Variants in STAT4 observed in about 807,000 individuals in gnomAD.
STAT4 encodes the protein signal transducer and activator of transcription 4.
In STAT4, 42 loss-of-function variants were observed where a neutral mutation model predicts 110.5. The ratio of observed to expected loss-of-function variants is 0.38; its 90% CI spans 0.30 to 0.49. The LOEUF is 0.49. Among genes scored for constraint, STAT4 ranks in the 20% least tolerant of loss-of-function variants. The pLI is 0.95. For synonymous variants in STAT4, 284 were observed against 302.2 expected, an observed-to-expected ratio of 0.94 and a Z score of 0.63; for missense variants, 632 against 887.9, an observed-to-expected ratio of 0.71 and a Z score of 3.66.
At chr2:191,076,508 C>T (rs1697322714) in intron 3 of STAT4, among the ~76,000 whole-genome samples, 183 bp from the exon 4 acceptor site, 1 of 152,068 alleles carries the variant, frequency 6.6e-6, no homozygotes, top group African/African-American at 2.4e-5. Context: ...AACGTAGACC[C>T]CTAAAGAGAG....
chr2:191,042,009 C>T lies in STAT4; in HGVS notation c.1252-861G>A, dbSNP rs1236925039. ...GTTTACGGTTAAGCCCATGCTTGCC[C>T]CTTCTCCGACATCTAGAGCCAGGCT... On this transcript the variant is annotated intron_variant, in intron 14 of 23. Transcript: ENST00000392320. This position sits in a 1 kb window ranked among gnomAD's most constrained non-coding sequence, Gnocchi z 4.2. Among the ~76,000 whole-genome samples, 1 of 152,162 alleles carries T rather than the reference C, an allele frequency of 6.6e-6. No homozygotes were observed. Among genetic ancestry groups the T allele is most frequent in the East Asian group, 1.9e-4 (1 of 5,200 alleles).
intron 14 of STAT4, among the ~76,000 whole-genome samples, chr2:191,052,388 C>T (rs1317656231): frequency 6.6e-6 from 1 of 152,060 alleles, no homozygotes; most frequent in Non-Finnish European, 1.5e-5. Context: ...TAACCCGATT[C>T]GGCAAACCTG....
chr2:191,133,943 A>C (rs571699613), intron 3 of STAT4, among the ~76,000 whole-genome samples: 4 of 152,382 alleles, frequency 2.6e-5, no homozygotes, highest in Admixed American at 2.6e-4. Flanking sequence ...CTATTAAGCC[A>C]TGCAAAGACA....
chr2:191,041,685 A>T (rs1259615748), intron 14 of STAT4: 2 of 152,224 alleles, frequency 1.3e-5, no homozygotes, highest in African/African-American at 4.8e-5. Context: ...TGTAATCTAG[A>T]TCCCTGAGTG....
At chr2:191,054,599 G>A (rs3024870) in intron 13 of STAT4, 65 bp from the exon 14 acceptor site, 885 of 1,447,404 alleles carry the variant, frequency 6.1e-4, no homozygotes, top group Non-Finnish European at 7.9e-4. Context: ...TAAGTTGGTC[G>A]TACCTGTTGC....
rs951830095 is a variant in STAT4 at position 191,050,933 on chromosome 2, T to G, written c.1251+3557A>C. Reference sequence around the variant, plus strand: ...GTCTGGAATGGCAACTTAGTGAAACTATCATTTATGACATCTTTGTCCATT... The same window carrying G: ...GTCTGGAATGGCAACTTAGTGAAACGATCATTTATGACATCTTTGTCCATT... On this transcript the variant is annotated intron_variant, in intron 14 of 23. Coordinates refer to ENST00000392320, the MANE Select transcript of STAT4 (RefSeq NM_003151.4). The surrounding 1 kb of genome is among the most constrained non-coding windows in gnomAD (Gnocchi z 4.3). 2.6e-5 allele frequency among the ~76,000 whole-genome samples: 4 copies of G among 152,220 alleles called. No individual in the cohort carries two copies. Among genetic ancestry groups the G allele is most frequent in the African/African-American group, 9.7e-5 (4 of 41,450 alleles).
At chr2:191,141,335 A>G (rs1262356305) in intron 3 of STAT4, among the ~76,000 whole-genome samples, 1 of 151,206 alleles carries the variant, frequency 6.6e-6, no homozygotes, top group African/African-American at 2.4e-5. Flanking sequence ...TTGAAACCAC[A>G]ATAAGATATC....
At chr2:191,151,479 C>T (rs958525754), upstream of STAT4, 47 of 985,444 alleles carry the variant, frequency 4.8e-5, no homozygotes, top group Admixed American at 6.1e-5. The surrounding 1 kb of genome is among the most constrained non-coding windows in gnomAD (Gnocchi z 4.7). Flanking sequence ...CAGCGGGGTC[C>T]GCTCACTCCG....
chr2:191,048,613 CAAA>C (rs199894325), intron 14 of STAT4, among the ~76,000 whole-genome samples: 1 of 135,394 alleles, frequency 7.4e-6, no homozygotes, highest in African/African-American at 2.8e-5. Flanking sequence ...CCGTCTCTAC[CAAA>C]AAAAAAAAAA....
chr2:191,081,946 T>A (rs575799347), intron 3 of STAT4, among the ~76,000 whole-genome samples: 1 of 152,200 alleles, frequency 6.6e-6, no homozygotes, highest in African/African-American at 2.4e-5. Context: ...AAGTTAAGTG[T>A]ACCCTGCTCA....
intron 18 of STAT4, 101 bp from the exon 19 acceptor site, chr2:191,034,106 T>A: frequency 1.2e-6 from 1 of 819,400 alleles, no homozygotes; most frequent in Non-Finnish European, 1.9e-6. Context: ...ATCTTTAAAC[T>A]GGACAACACC....
rs906296909 is a variant in STAT4, at chr2:191,050,877, A to C, written c.1251+3613T>G. Among the ~76,000 whole-genome samples, 1 of 152,180 alleles carries C rather than the reference A, an allele frequency of 6.6e-6. No homozygotes were observed. Among genetic ancestry groups the C allele is most frequent in the Non-Finnish European group, 1.5e-5 (1 of 68,040 alleles). On this transcript the variant is annotated intron_variant, in intron 14 of 23. Coordinates refer to ENST00000392320, the MANE Select transcript of STAT4 (RefSeq NM_003151.4). The surrounding 1 kb of genome is among the most constrained non-coding windows in gnomAD (Gnocchi z 4.3). ...GCTCAGCTCTTCTTGGGTAATCTCAAACAGTCACAGGGTGCTGCAAATCTA... is the reference window on the plus strand; with the variant it reads ...GCTCAGCTCTTCTTGGGTAATCTCACACAGTCACAGGGTGCTGCAAATCTA...
rs1251482315 is a variant in STAT4, at chr2:191,091,525, AT to A, written c.274-15201del. ...AAAATGAGTATGTGTGTTTAATGCA[AT>A]TAAAGTTAGAGTCCTAACTTTTGGA... is the stretch of plus-strand genomic sequence containing the variant. On this transcript the variant is annotated intron_variant, in intron 3 of 23. Coordinates refer to ENST00000392320, the MANE Select transcript of STAT4 (RefSeq NM_003151.4). This position sits in a 1 kb window ranked among gnomAD's most constrained non-coding sequence, Gnocchi z 5.4. Among the ~76,000 whole-genome samples, 4 of 152,208 alleles carry A rather than the reference AT, an allele frequency of 2.6e-5. No homozygotes were observed. The highest frequency in any genetic ancestry group is 6.5e-5 in the Admixed American group (1 of 15,288).
intron 3 of STAT4, among the ~76,000 whole-genome samples, chr2:191,097,658 A>G (rs997081296): frequency 6.6e-6 from 1 of 152,370 alleles, no homozygotes; most frequent in South Asian, 2.1e-4. Context: ...ACCTAAAACC[A>G]TAAAAACCCT....
chr2:191,058,030 T>C lies in STAT4; in HGVS notation c.1194A>G (p.Glu398=), dbSNP rs772256750. The C allele has an allele frequency of 6.2e-7, 1 of 1,613,978 alleles. No homozygotes were observed. Among genetic ancestry groups the C allele is most frequent in the South Asian group, 1.1e-5 (1 of 91,074 alleles). The stretch of plus-strand genomic sequence containing the variant: ...CTGCCAAACTTACCAAATGTCGAAA[T>C]TCTACTGAGAGACTCCCATTGGAAG... ...EESSNGSLSV[E]FRHLQPKEMK... The change falls in exon 13 of 24, where the codon GAA becomes GAG. Residue 398 remains glutamate, a synonymous_variant. Coordinates refer to ENST00000392320, the MANE Select transcript of STAT4 (RefSeq NM_003151.4). The surrounding 1 kb of genome is among the most constrained non-coding windows in gnomAD (Gnocchi z 4.3).
chr2:191,123,607 A>T (rs1359978241), intron 3 of STAT4, among the ~76,000 whole-genome samples: 2 of 152,228 alleles, frequency 1.3e-5, no homozygotes, highest in Non-Finnish European at 2.9e-5. Context: ...AACTTACTGA[A>T]CACCATACCT....
In STAT4 at chr2:191,058,846, T is replaced by A. The variant is rs1696775782; in HGVS notation, c.1035-77A>T. ...AAAAACCCTTTTTTATATTTAAACA[T>A]TTAAATATACTATGAAATATGCATA... On this transcript the variant is annotated intron_variant, in intron 10 of 23. Transcript: ENST00000392320. This position sits in a 1 kb window ranked among gnomAD's most constrained non-coding sequence, Gnocchi z 4.3. The A allele has an allele frequency of 1.3e-6, 1 of 792,670 alleles. No individual in the cohort carries two copies. Among genetic ancestry groups the A allele is most frequent in the African/African-American group, 1.8e-5 (1 of 56,672 alleles). The allele number at this position is 792,670 out of a possible 1,614,324, so 49.1% of individuals were successfully genotyped here.
rs1390149708 is a variant in STAT4, at chr2:191,076,219, A to G, written c.372+8T>C. The G allele has an allele frequency of 1.9e-6, 3 of 1,610,812 alleles. No homozygotes were observed. On this transcript the variant is annotated splice_region_variant and intron_variant, in intron 4 of 23. Transcript: ENST00000392320. ...TGATAACAAGATCACAAGGTCAGAAAATATTACCTGGACAGGCATGTTGGC... is the reference window on the plus strand; with the variant it reads ...TGATAACAAGATCACAAGGTCAGAAGATATTACCTGGACAGGCATGTTGGC...
chr2:191,099,951 TTC>T lies in STAT4; in HGVS notation c.274-23628_274-23627del, dbSNP rs1698110842. On this transcript the variant is annotated intron_variant, in intron 3 of 23. Coordinates refer to ENST00000392320, the MANE Select transcript of STAT4 (RefSeq NM_003151.4). This position sits in a 1 kb window ranked among gnomAD's most constrained non-coding sequence, Gnocchi z 4.1. ...TCAGTGGAATTTCAGGGGATTTTTT[TTC>T]TTTCTTCTTAGACTTTTCATTATCA... 6.6e-6 allele frequency among the ~76,000 whole-genome samples: 1 copy of T among 152,184 alleles called. No homozygotes were observed. The highest frequency in any genetic ancestry group is 2.4e-5 in the African/African-American group (1 of 41,462).
Sources: gnomAD v4.1 joint callset for allele counts (sites outside exome capture counted in the v4.1 genomes callset) on GRCh38, gnomAD v4.1.1 for gene constraint, Gnocchi (gnomAD v3.1) non-coding constraint, MANE v1.5 for transcripts, NCBI Gene and HGNC (gene_info 2026-07-23, HGNC 2026-07-21) for gene names.